The following PDGFB variants were observed in gnomAD, a reference collection of about 807,000 sequenced individuals.
The protein encoded by PDGFB is platelet-derived growth factor subunit B.
A neutral mutation model predicts 29.0 loss-of-function variants in PDGFB; 6 were observed. The observed-to-expected ratio is 0.21, with a 90% CI of 0.11 to 0.41. The LOEUF (loss-of-function observed/expected upper bound fraction) is 0.41. Among genes scored for constraint, PDGFB ranks in the 10% least tolerant of loss-of-function variants. The pLI is 1.00. For missense variants in PDGFB, 299 were observed against 341.8 expected (o/e 0.87, Z 0.99); for synonymous variants, 144 against 140.8 (o/e 1.02, Z -0.16).
chr22:39,238,755 C>T (rs760403883), intron 1 of PDGFB, among the ~76,000 whole-genome samples: 46 of 152,274 alleles, frequency 3.0e-4, no homozygotes, highest in Non-Finnish European at 5.7e-4. Context: ...TTCGTGTTGG[C>T]TCTTTACTCT....
intron 2 of PDGFB, among the ~76,000 whole-genome samples, chr22:39,234,209 C>T (rs1204430226): frequency 6.6e-6 from 1 of 152,168 alleles, no homozygotes; most frequent in African/African-American, 2.4e-5. Flanking sequence ...AAACTGTTGC[C>T]CCACCTCTGC....
chr22:39,242,104 GCACGTGTGCTCAGGC>G lies in PDGFB; in HGVS notation c.63+1782_63+1796del, dbSNP rs1932580342. Reference sequence around the variant, plus strand: ...CCTGTGTACGTGCGTGGGTGTGCGCGCACGTGTGCTCAGGCCGCGCGTGCAGGGGCCGTGCGTGCG... The same window carrying G: ...CCTGTGTACGTGCGTGGGTGTGCGCGCGCGCGTGCAGGGGCCGTGCGTGCG... On this transcript the variant is annotated intron_variant, in intron 1 of 6. Coordinates refer to ENST00000331163, the MANE Select transcript of PDGFB (RefSeq NM_002608.4). This position sits in a 1 kb window ranked among gnomAD's most constrained non-coding sequence, Gnocchi z 5.7. 4 of 228,228 alleles carry G rather than the reference GCACGTGTGCTCAGGC, an allele frequency of 1.8e-5. No homozygotes were observed. Among genetic ancestry groups the G allele is most frequent in the Non-Finnish European group, 3.5e-5 (4 of 114,874 alleles). 14.1% of individuals were successfully genotyped at this position (228,228 alleles called of 1,614,324 possible).
rs111778157 is a variant in PDGFB, at chr22:39,240,941, ACT to A, written c.63+2958_63+2959del. Reference sequence around the variant, plus strand: ...GATGCGCACACACACACACACACACACTCTCTCTCTCTCTCTCTTCCTGGCTC... The same window carrying A: ...GATGCGCACACACACACACACACACACTCTCTCTCTCTCTCTTCCTGGCTC... On this transcript the variant is annotated intron_variant, in intron 1 of 6. Transcript: ENST00000331163. 0.035 allele frequency: 13,524 copies of A among 385,700 alleles called. 388 individuals are homozygous for A. The highest frequency in any genetic ancestry group is 0.25 in the African/African-American group (7,598 of 30,806). 23.9% of individuals were successfully genotyped at this position (385,700 alleles called of 1,614,324 possible).
Position 39,242,431 on chromosome 22 carries a change from G to A in PDGFB, c.63+1470C>T, listed in dbSNP as rs1932588955. On this transcript the variant is annotated intron_variant, in intron 1 of 6. Transcript: ENST00000331163. This position sits in a 1 kb window ranked among gnomAD's most constrained non-coding sequence, Gnocchi z 5.7. ...CGAGGCGAGGCGGCAGCTGGGGCCG[G>A]CCGGCCACCCCCTCCCCAACAGCTG... The A allele has an allele frequency of 1.5e-5, 3 of 199,384 alleles. No individual in the cohort carries two copies. Among genetic ancestry groups the A allele is most frequent in the African/African-American group, 2.3e-5 (1 of 43,566 alleles). 12.4% of individuals were successfully genotyped at this position (199,384 alleles called of 1,614,324 possible). A position where few individuals can be genotyped will look rare whatever the true frequency, so the allele number is the denominator to read the frequency against.
At position 39,244,056 on chromosome 22, in the gene PDGFB, G is replaced by GGGC; in HGVS notation, c.-94_-93insGCC. 3.8e-6 allele frequency: 1 copy of GGGC among 261,514 alleles called. No homozygotes were observed. The highest frequency in any genetic ancestry group is 7.9e-6 in the Non-Finnish European group (1 of 127,008). 16.2% of individuals were successfully genotyped at this position (261,514 alleles called of 1,614,324 possible). A position where few individuals can be genotyped will look rare whatever the true frequency, so the allele number is the denominator to read the frequency against. ...GGTGGGGGGCTGGGGAGGGGGGTGG[G>GGGC]CTCGGCTCGGGTCCGCGGCGATCAG... On this transcript the variant is annotated 5_prime_UTR_variant, in exon 1 of 7. Coordinates refer to ENST00000331163, the MANE Select transcript of PDGFB (RefSeq NM_002608.4). The surrounding 1 kb of genome is among the most constrained non-coding windows in gnomAD (Gnocchi z 4.5).
rs139174743 is a variant in PDGFB at position 39,235,850 on chromosome 22, A to G, written c.88T>C (p.Tyr30His). ...AEGDPIPEEL[Y>H]EMLSDHSIRS... ...ATCGAGTGGTCACTCAGCATCTCAT[A>G]AAGCTCCTCGGGAATGGGGTCCCCC... Residue 30 changes from tyrosine to histidine, a missense_variant, in exon 2 of 7, where the codon TAT becomes CAT. Transcript: ENST00000331163. 6 of 1,613,702 alleles carry G rather than the reference A, an allele frequency of 3.7e-6. No individual in the cohort carries two copies. In the African/African-American group the frequency reaches 8.0e-5, roughly 22 times the overall value.
At chr22:39,228,501 C>A (rs963695391) in intron 5 of PDGFB, among the ~76,000 whole-genome samples, 6 of 152,078 alleles carry the variant, frequency 3.9e-5, no homozygotes, top group Admixed American at 1.3e-4. Flanking sequence ...AGGAGGGAGG[C>A]TCGCTTGAGC....
chr22:39,236,700 C>T (rs1013311256), intron 1 of PDGFB, among the ~76,000 whole-genome samples: 3 of 152,224 alleles, frequency 2.0e-5, no homozygotes, highest in African/African-American at 7.2e-5. Context: ...CCCCCACAGT[C>T]CCAGGAGACC....
chr22:39,236,610 T>C (rs1258500610), intron 1 of PDGFB, among the ~76,000 whole-genome samples: 1 of 152,086 alleles, frequency 6.6e-6, no homozygotes, highest in East Asian at 1.9e-4. Context: ...CAGGCCTCAT[T>C]CGGAGCTGGG....
intron 1 of PDGFB, among the ~76,000 whole-genome samples, chr22:39,237,862 G>T (rs1416315841): frequency 6.6e-6 from 1 of 152,230 alleles, no homozygotes; most frequent in Non-Finnish European, 1.5e-5. Context: ...TTCTAATTCT[G>T]CCAGGAGGCG....
chr22:39,232,720 C>T (rs867036989), intron 3 of PDGFB, among the ~76,000 whole-genome samples: 45 of 152,196 alleles, frequency 3.0e-4, no homozygotes, highest in African/African-American at 1.1e-3. Flanking sequence ...CATCTCTTGA[C>T]CTCGTGATCT....
At chr22:39,235,914 G>A (rs1333151995) in intron 1 of PDGFB, 40 bp from the exon 2 acceptor site, 1 of 1,387,378 alleles carries the variant, frequency 7.2e-7, no homozygotes, top group Admixed American at 1.7e-5. Flanking sequence ...AGCTGGGAGT[G>A]GGGGCTTTCC....
chr22:39,244,268 G>C lies in PDGFB; in HGVS notation c.-305C>G. The C allele has an allele frequency of 4.3e-6, 1 of 229,900 alleles. No homozygotes were observed. Among genetic ancestry groups the C allele is most frequent in the East Asian group, 6.9e-5 (1 of 14,564 alleles). 14.2% of individuals were successfully genotyped at this position (229,900 alleles called of 1,614,324 possible). On this transcript the variant is annotated 5_prime_UTR_variant, in exon 1 of 7. Coordinates refer to ENST00000331163, the MANE Select transcript of PDGFB (RefSeq NM_002608.4). The surrounding 1 kb of genome is among the most constrained non-coding windows in gnomAD (Gnocchi z 4.5). ...CGGGGGGCTGCGTCGCGAACCAGCC[G>C]AGGCGTCTAGCCGTGTGGGGGCGCC...
At chr22:39,240,831 G>T in intron 1 of PDGFB, 1 of 1,613,320 alleles carries the variant, frequency 6.2e-7, no homozygotes. Flanking sequence ...GGGAGGGGAA[G>T]ACAAGACGTG....
At chr22:39,237,113 G>C (rs1932463504) in intron 1 of PDGFB, among the ~76,000 whole-genome samples, 1 of 152,148 alleles carries the variant, frequency 6.6e-6, no homozygotes. Flanking sequence ...CTCGCTGCCT[G>C]ACGGCGGAGG....
intron 1 of PDGFB, 38 bp from the exon 2 acceptor site, chr22:39,235,912 G>T: frequency 7.1e-7 from 1 of 1,398,692 alleles, no homozygotes; most frequent in Non-Finnish European, 1.0e-6. Flanking sequence ...TGAGCTGGGA[G>T]TGGGGGCTTT....
chr22:39,240,809 C>A (rs753170660), intron 1 of PDGFB: 6 of 1,606,560 alleles, frequency 3.7e-6, no homozygotes, highest in Non-Finnish European at 4.3e-6. Context: ...ACAGAAGAGG[C>A]TCCTCAATGT....
At position 39,230,226 on chromosome 22, in the gene PDGFB, C is replaced by G; in HGVS notation, c.459G>C (p.Val153=). The G allele has an allele frequency of 6.2e-7, 1 of 1,613,768 alleles. No homozygotes were observed. Among genetic ancestry groups the G allele is most frequent in the Non-Finnish European group, 8.5e-7 (1 of 1,180,024 alleles). Residue 153 remains valine (V), a splice_region_variant and synonymous_variant, in exon 5 of 7, where the codon GTG becomes GTC. Transcript: ENST00000331163. ...TCTTCCGCACAATCTCGATCTTTCT[C>G]ACCTGGAGGACAGAGCCACAAAATG... ...PTQVQLRPVQ[V]RKIEIVRKKP...
chr22:39,233,958 AAC>A, intron 2 of PDGFB, among the ~76,000 whole-genome samples: 1 of 143,228 alleles, frequency 7.0e-6, no homozygotes, highest in Non-Finnish European at 1.5e-5. Flanking sequence ...GCATGCCCTG[AAC>A]ACAGCCCCTC....
Sources: allele counts gnomAD v4.1 joint callset (sites outside exome capture counted in the v4.1 genomes callset), GRCh38; gene constraint gnomAD v4.1.1; non-coding constraint Gnocchi (gnomAD v3.1); transcripts MANE v1.5; gene names NCBI Gene and HGNC (gene_info 2026-07-23, HGNC 2026-07-21).